RIPOR3: variants seen among roughly 807,000 people sequenced by gnomAD.
RIPOR3 encodes the protein RIPOR family member 3.
Under a neutral mutation model 114.3 loss-of-function variants are expected in RIPOR3, and 95 were observed. That is an observed-to-expected ratio of 0.83 (90% CI 0.70 to 0.99). RIPOR3 has a LOEUF of 0.99. Ranked by LOEUF, RIPOR3 falls within the 50% of genes least tolerant of loss-of-function variation. RIPOR3 has a pLI of 0.00. For missense variants in RIPOR3, 1,252 were observed against 1,266.9 expected (o/e 0.99, Z 0.18); for synonymous variants, 575 against 543.8 (o/e 1.06, Z -0.80).
intron 6 of RIPOR3, among the ~76,000 whole-genome samples, chr20:50,610,524 C>A (rs1267459773): frequency 6.6e-6 from 1 of 152,166 alleles, no homozygotes; most frequent in Non-Finnish European, 1.5e-5. Context: ...GCTTTTCCAA[C>A]TGTACAATGG....
In RIPOR3 at chr20:50,638,829, C is replaced by T. The variant is rs886750628; in HGVS notation, c.4-7973G>A. Reference sequence around the variant, plus strand: ...GAGCAGTGATAAGGATGAGGACAGGCAGGAGGGACTGAGATGAGATGAGAG... The same window carrying T: ...GAGCAGTGATAAGGATGAGGACAGGTAGGAGGGACTGAGATGAGATGAGAG... On this transcript the variant is annotated intron_variant, in intron 1 of 21. Transcript: ENST00000327979. 1.2e-3 allele frequency among the ~76,000 whole-genome samples: 180 copies of T among 152,190 alleles called. 1 individual carries two copies. The highest frequency in any genetic ancestry group is 3.6e-3 in the African/African-American group (151 of 41,528).
intron 1 of RIPOR3, among the ~76,000 whole-genome samples, chr20:50,638,099 G>C (rs146576681): frequency 2.5e-4 from 38 of 152,240 alleles, no homozygotes; most frequent in South Asian, 6.2e-4. Flanking sequence ...GTTGGAACCA[G>C]CTTCAGGGCA....
chr20:50,664,802 G>A (rs772593534), intron 1 of RIPOR3, among the ~76,000 whole-genome samples: 3 of 151,940 alleles, frequency 2.0e-5, no homozygotes, highest in Non-Finnish European at 4.4e-5. Flanking sequence ...AATCGGTGGG[G>A]GAAGAAAAAA....
rs549664581 is a variant in RIPOR3 at position 50,625,954 on chromosome 20, T to G, written c.122+4784A>C. Among the ~76,000 whole-genome samples, 9 of 152,306 alleles carry G rather than the reference T, an allele frequency of 5.9e-5. No homozygotes were observed. The East Asian group carries it at 1.7e-3, about 29-fold the overall frequency. On this transcript the variant is annotated intron_variant, in intron 2 of 21. Transcript: ENST00000327979. Reference sequence around the variant, plus strand: ...ACTGTGGAGTAAAAATCCCTGTCTATAGTGAAAGGGGTTTCAAGGTGCCAG... The same window carrying G: ...ACTGTGGAGTAAAAATCCCTGTCTAGAGTGAAAGGGGTTTCAAGGTGCCAG...
chr20:50,643,384 G>A (rs896558933), intron 1 of RIPOR3, among the ~76,000 whole-genome samples: 9 of 148,608 alleles, frequency 6.1e-5, no homozygotes, highest in African/African-American at 1.7e-4. Context: ...TGATCCTCCC[G>A]CCTTGGCCTC....
Position 50,638,323 on chromosome 20 carries a change from C to A in RIPOR3, c.4-7467G>T, listed in dbSNP as rs185007594. Among the ~76,000 whole-genome samples, 6 of 152,210 alleles carry A rather than the reference C, an allele frequency of 3.9e-5. No homozygotes were observed. The East Asian group carries it at 1.2e-3, about 29-fold the overall frequency. Reference sequence around the variant, plus strand: ...TGCAGGCAAAGGGACGCCTCCTGACCGCAGAATAGTCAACAGCAGGCACGG... The same window carrying A: ...TGCAGGCAAAGGGACGCCTCCTGACAGCAGAATAGTCAACAGCAGGCACGG... On this transcript the variant is annotated intron_variant, in intron 1 of 21. Transcript: ENST00000327979.
intron 2 of RIPOR3, chr20:50,620,664 T>C (rs1201029325): frequency 1.9e-5 from 1 of 52,094 alleles, no homozygotes; most frequent in African/African-American, 1.0e-4. Context: ...AATAAATAAA[T>C]AAATAAATAA....
chr20:50,601,952 C>A, intron 13 of RIPOR3, 120 bp downstream of exon 13: 2 of 982,808 alleles, frequency 2.0e-6, no homozygotes, highest in Non-Finnish European at 2.9e-6. Flanking sequence ...ACGGCCCACC[C>A]AGGTCACGCA....
At position 50,669,975 on chromosome 20, in the gene RIPOR3, G is replaced by A. The variant is rs541426347; in HGVS notation, c.3+21151C>T. Among the ~76,000 whole-genome samples the A allele has an allele frequency of 2.0e-5, 3 of 151,480 alleles. No homozygotes were observed. In the South Asian group the frequency reaches 6.3e-4, roughly 32 times the overall value. On this transcript the variant is annotated intron_variant, in intron 1 of 21. Transcript: ENST00000327979. ...AGTTCAAGACCAGCCTGGCCAACCT[G>A]GCGAAACCCCATCTCTACTAAAAAT...
intron 2 of RIPOR3, among the ~76,000 whole-genome samples, chr20:50,625,770 G>T (rs1026110294): frequency 1.3e-5 from 2 of 152,094 alleles, no homozygotes; most frequent in Non-Finnish European, 2.9e-5. Flanking sequence ...CAGTATCGGG[G>T]CCTGGCCCTC....
At chr20:50,633,169 G>T (rs2084874362) in intron 1 of RIPOR3, among the ~76,000 whole-genome samples, 1 of 152,208 alleles carries the variant, frequency 6.6e-6, no homozygotes, top group South Asian at 2.1e-4. Flanking sequence ...GGCTGAGGCA[G>T]GAGAATCACT....
At chr20:50,665,716 G>A (rs948699967) in intron 1 of RIPOR3, among the ~76,000 whole-genome samples, 2 of 152,062 alleles carry the variant, frequency 1.3e-5, no homozygotes, top group African/African-American at 2.4e-5. Flanking sequence ...CACTGTGCCT[G>A]CCGGGTGGGT....
intron 4 of RIPOR3, 128 bp downstream of exon 4, chr20:50,615,874 G>A (rs1425629634): frequency 2.4e-6 from 2 of 842,842 alleles, no homozygotes; most frequent in East Asian, 5.4e-5. Flanking sequence ...AACGTGAAGA[G>A]GCTATTCCAT....
chr20:50,689,172 CTTTTTTTT>C (rs71964773), intron 1 of RIPOR3, among the ~76,000 whole-genome samples: 106 of 88,808 alleles, frequency 1.2e-3, no homozygotes, highest in Middle Eastern at 6.0e-3. Flanking sequence ...CTCCAAACTT[CTTTTTTTT>C]TTTTTTTTTT....
intron 1 of RIPOR3, among the ~76,000 whole-genome samples, chr20:50,657,938 A>G (rs546170680): frequency 6.6e-4 from 99 of 150,410 alleles, no homozygotes; most frequent in Middle Eastern, 3.5e-3. Context: ...TTTTATTTTT[A>G]TTTTTTTGTA....
chr20:50,615,854 A>T, intron 4 of RIPOR3, 148 bp downstream of exon 4: 1 of 700,174 alleles, frequency 1.4e-6, no homozygotes, highest in Non-Finnish European at 2.4e-6. Flanking sequence ...AAGTGAAGTT[A>T]ACTCAGTGCA....
At position 50,596,109 on chromosome 20, in the gene RIPOR3, C is replaced by T. The variant is rs544572870; in HGVS notation, c.1914+31G>A. On this transcript the variant is annotated intron_variant, in intron 15 of 21. Transcript: ENST00000327979. ...AAGAGGACTCCAAACCCCTGTCTGC[C>T]CCTCCCTGACAAGTCCCCTAGCCCA... The T allele has an allele frequency of 4.3e-6, 7 of 1,613,748 alleles. No individual in the cohort carries two copies. The South Asian group carries it at 6.6e-5, about 15-fold the overall frequency.
At chr20:50,682,666 C>T (rs1017870607) in intron 1 of RIPOR3, among the ~76,000 whole-genome samples, 5 of 107,508 alleles carry the variant, frequency 4.7e-5, no homozygotes, top group Non-Finnish European at 8.7e-5. Flanking sequence ...TATATCTTTA[C>T]GTAAAGTTCA....
intron 4 of RIPOR3, among the ~76,000 whole-genome samples, chr20:50,612,348 C>T (rs2084007670): frequency 6.6e-6 from 1 of 151,968 alleles, no homozygotes; most frequent in Non-Finnish European, 1.5e-5. Context: ...TGTACATGAA[C>T]AAGTGTGGTC....
Sources: gnomAD v4.1 joint callset for allele counts (sites outside exome capture counted in the v4.1 genomes callset) on GRCh38, gnomAD v4.1.1 for gene constraint, MANE v1.5 for transcripts, NCBI Gene and HGNC (gene_info 2026-07-23, HGNC 2026-07-21) for gene names.